Variants in OR13A1 observed in about 807,000 individuals in gnomAD.
OR13A1 encodes the protein olfactory receptor family 13 subfamily A member 1, also known as olfactory receptor 13A1.
Under a neutral mutation model 7.5 loss-of-function variants are expected in OR13A1, and 10 were observed. The observed-to-expected ratio is 1.34, with a 90% confidence interval of 0.83 to 2.27. OR13A1 has a LOEUF of 2.27. Among genes scored for constraint, OR13A1 ranks in the 30% most tolerant of loss-of-function variants. The pLI is 0.00. For synonymous variants in OR13A1, 238 were observed against 177.9 expected (o/e 1.34, Z -2.69); for missense variants, 509 against 419.1 (o/e 1.21, Z -1.87).
rs192042275 is a variant in OR13A1, at chr10:45,312,990, A to G, written c.-225+2534T>C. On this transcript the variant is annotated intron_variant, in intron 1 of 3. Transcript: ENST00000553795. ...ATAAAGCTCTCCAGTAAAGATAAAT[A>G]TATGGACATATATAGAGACTGTACT... Among the ~76,000 whole-genome samples the G allele has an allele frequency of 2.6e-5, 4 of 152,224 alleles. No homozygotes were observed. The East Asian group carries it at 7.7e-4, about 29-fold the overall frequency.
At chr10:45,313,784 C>T (rs1401786906) in intron 1 of OR13A1, among the ~76,000 whole-genome samples, 1 of 151,998 alleles carries the variant, frequency 6.6e-6, no homozygotes, top group East Asian at 1.9e-4. Context: ...ATTGACAGAT[C>T]AGAGAGGAAA....
At chr10:45,314,358 A>C (rs1777853715) in intron 1 of OR13A1, among the ~76,000 whole-genome samples, 1 of 151,954 alleles carries the variant, frequency 6.6e-6, no homozygotes, top group Non-Finnish European at 1.5e-5. Context: ...GCACTTTGAC[A>C]GGCTGAGGGA....
intron 1 of OR13A1, among the ~76,000 whole-genome samples, chr10:45,312,238 C>A (rs1422976334): frequency 6.6e-6 from 1 of 151,044 alleles, no homozygotes; most frequent in Admixed American, 6.6e-5. Context: ...AAAATATAAA[C>A]CTACAGACTT....
At chr10:45,302,610 T>C (rs1838228677), downstream of OR13A1, 1 of 152,222 alleles carries the variant, frequency 6.6e-6, no homozygotes, top group South Asian at 2.1e-4. Context: ...TCTGTCATCT[T>C]TAATGGATCA....
At chr10:45,312,234 T>G (rs1326800061) in intron 1 of OR13A1, among the ~76,000 whole-genome samples, 1 of 152,106 alleles carries the variant, frequency 6.6e-6, no homozygotes, top group South Asian at 2.1e-4. Flanking sequence ...ATGAAAAATA[T>G]AAACCTACAG....
Position 45,304,187 on chromosome 10 carries a change from A to G in OR13A1, c.236T>C (p.Phe79Ser), listed in dbSNP as rs1225925541. 1 of 1,614,224 alleles carries G rather than the reference A, an allele frequency of 6.2e-7. No individual in the cohort carries two copies. Among genetic ancestry groups the G allele is most frequent in the Admixed American group, 1.7e-5 (1 of 60,034 alleles). ...CATAGTAGCCAAGTTGAGTAAGAAA[A>G]AGTACATAGGAGCGTGGAGCCCAGG... ...FNPGLHAPMYFFLLNLATMDI... is the reference protein window; with the variant it reads ...FNPGLHAPMYSFLLNLATMDI... The change falls in exon 4 of 4, where the codon TTT (phenylalanine) becomes TCT (serine). Residue 79 changes from phenylalanine (F) to serine (S), a missense_variant. Phe to Ser is a radical substitution (Grantham distance 155). Transcript: ENST00000553795.
Position 45,304,357 on chromosome 10 carries a change from A to T in OR13A1, c.66T>A (p.Ser22Arg). 6.2e-7 allele frequency: 1 copy of T among 1,614,044 alleles called. No individual in the cohort carries two copies. Among genetic ancestry groups the T allele is most frequent in the Non-Finnish European group, 8.5e-7 (1 of 1,179,974 alleles). Residue 22 changes from serine to arginine, a missense_variant, in exon 4 of 4, where the codon AGT (serine) becomes AGA (arginine). Ser to Arg is a moderately radical substitution (Grantham distance 110). Transcript: ENST00000553795. ...PETRPSPRMM[S>R]NQTLVTEFIL... is the part of the protein sequence containing the mutation. Reference sequence around the variant, plus strand: ...TGAACTCGGTTACCAACGTCTGGTTACTCATCATCCTTGGGCTGGGACGGG... The same window carrying T: ...TGAACTCGGTTACCAACGTCTGGTTTCTCATCATCCTTGGGCTGGGACGGG...
At chr10:45,304,815 TAAA>T (rs1331297473) in intron 3 of OR13A1, among the ~76,000 whole-genome samples, 1 of 152,194 alleles carries the variant, frequency 6.6e-6, no homozygotes, top group Non-Finnish European at 1.5e-5. Flanking sequence ...TAAGGAATAA[TAAA>T]AAGCATCCTG....
chr10:45,311,354 T>C (rs1398534485), intron 1 of OR13A1, among the ~76,000 whole-genome samples: 10 of 152,190 alleles, frequency 6.6e-5, no homozygotes, highest in Non-Finnish European at 1.5e-4. Flanking sequence ...TTACTTCCCA[T>C]CTCAATCTTT....
At chr10:45,307,235 G>A (rs1439709030) in intron 3 of OR13A1, among the ~76,000 whole-genome samples, 191 bp downstream of exon 3, 4 of 152,198 alleles carry the variant, frequency 2.6e-5, no homozygotes, top group Admixed American at 6.5e-5. Context: ...AGTCTGTCAC[G>A]CATCCTTCCT....
chr10:45,314,942 A>C (rs1034594384), intron 1 of OR13A1, among the ~76,000 whole-genome samples: 2 of 152,232 alleles, frequency 1.3e-5, no homozygotes, highest in Non-Finnish European at 1.5e-5. Context: ...ACAACAGCCC[A>C]GAACCGGATG....
At chr10:45,310,478 T>C (rs527415354) in intron 1 of OR13A1, among the ~76,000 whole-genome samples, 1 of 152,336 alleles carries the variant, frequency 6.6e-6, no homozygotes, top group South Asian at 2.1e-4. Context: ...CAATTTATTT[T>C]AAGCAAGTGA....
chr10:45,314,037 A>G (rs1455126664), intron 1 of OR13A1, among the ~76,000 whole-genome samples: 1 of 152,226 alleles, frequency 6.6e-6, no homozygotes, highest in Non-Finnish European at 1.5e-5. Context: ...AAATTTTAAA[A>G]GATTGAAATT....
rs1204935814 is a variant in OR13A1, at chr10:45,304,250, G to A, written c.173C>T (p.Thr58Ile). The A allele has an allele frequency of 2.5e-6, 4 of 1,614,182 alleles. No homozygotes were observed. In the East Asian group the frequency reaches 6.7e-5, roughly 27 times the overall value. Residue 58 changes from threonine (T) to isoleucine (I), a missense_variant, in exon 4 of 4, where the codon ACA becomes ATA. By Grantham distance (89) the Thr-to-Ile change is moderately conservative (BLOSUM62 -1). Transcript: ENST00000553795. ...GGCCAAGGTGATGAGGACATTACCTGTGAGGGCCCCAGAGTAGAGGAAGAG... is the reference window on the plus strand; with the variant it reads ...GGCCAAGGTGATGAGGACATTACCTATGAGGGCCCCAGAGTAGAGGAAGAG... ...CFLFLYSGAL[T>I]GNVLITLAIT...
intron 1 of OR13A1, among the ~76,000 whole-genome samples, chr10:45,312,781 G>C: frequency 6.6e-6 from 1 of 152,020 alleles, no homozygotes; most frequent in South Asian, 2.1e-4. Flanking sequence ...TCAAAGAGCT[G>C]AAAGAAAAGA....
intron 3 of OR13A1, among the ~76,000 whole-genome samples, chr10:45,305,606 A>C (rs1838312605): frequency 6.6e-6 from 1 of 152,230 alleles, no homozygotes; most frequent in Non-Finnish European, 1.5e-5. Flanking sequence ...TGCTCCCAGC[A>C]ACTTTTCCTG....
intron 1 of OR13A1, among the ~76,000 whole-genome samples, chr10:45,309,383 A>G (rs528918308): frequency 2.0e-5 from 3 of 151,650 alleles, no homozygotes; most frequent in Non-Finnish European, 4.4e-5. Flanking sequence ...GCTTGATCTC[A>G]TTTCATCCAA....
chr10:45,310,359 A>G (rs964606359), intron 1 of OR13A1, among the ~76,000 whole-genome samples: 1 of 152,234 alleles, frequency 6.6e-6, no homozygotes, highest in African/African-American at 2.4e-5. Flanking sequence ...GGTTCCTCTC[A>G]AATCAATGAT....
chr10:45,309,771 C>T (rs1346801886), intron 1 of OR13A1, among the ~76,000 whole-genome samples: 11 of 152,136 alleles, frequency 7.2e-5, no homozygotes, highest in African/African-American at 2.2e-4. Context: ...GACTAAATAT[C>T]GATGGGTTTA....
Sources: allele counts gnomAD v4.1 joint callset (sites outside exome capture counted in the v4.1 genomes callset), GRCh38; gene constraint gnomAD v4.1.1; transcripts MANE v1.5; gene names NCBI Gene and HGNC (gene_info 2026-07-23, HGNC 2026-07-21).